STAB1: variants seen among roughly 807,000 people sequenced by gnomAD.
The protein encoded by STAB1 is stabilin 1.
A neutral mutation model predicts 332.4 loss-of-function variants in STAB1; 250 were observed. The ratio of observed to expected loss-of-function variants is 0.75; its 90% CI spans 0.68 to 0.84. The LOEUF is 0.84. Ranked by LOEUF, STAB1 falls within the 40% of genes least tolerant of loss-of-function variation. The probability of loss-of-function intolerance (pLI) is 0.00; values close to 1 mark genes in which losing one functional copy is unlikely to be tolerated. For synonymous variants in STAB1, 1,475 were observed against 1,390.4 expected, an observed-to-expected ratio of 1.06 and a Z score of -1.35; for missense variants, 3,249 against 3,489.7, an observed-to-expected ratio of 0.93 and a Z score of 1.74.
rs751836929 is a variant in STAB1 at position 52,523,765 on chromosome 3, A to G, written c.7395+9A>G. The G allele has an allele frequency of 2.5e-6, 4 of 1,594,854 alleles. No homozygotes were observed. In the African/African-American group the frequency reaches 5.4e-5, roughly 21 times the overall value. ...TGGCACCCCCACAGCCCGTGAGTTG[A>G]GGAAGGGGGAGGCAGAGCCCTTCCT... is the stretch of plus-strand genomic sequence containing the variant. On this transcript the variant is annotated intron_variant, in intron 66 of 68. Transcript: ENST00000321725.
At position 52,504,239 on chromosome 3, in the gene STAB1, TC is replaced by T. The variant is rs1708675626; in HGVS notation, c.1150+86del. ...GGAGGGAGGAGCTGCCTCTGCAGATTCCAGTTTCTCTGCCCAGGGCTGTGGG... is the reference window on the plus strand; with the variant it reads ...GGAGGGAGGAGCTGCCTCTGCAGATTCAGTTTCTCTGCCCAGGGCTGTGGG... On this transcript the variant is annotated intron_variant, in intron 10 of 68. Coordinates refer to ENST00000321725, the MANE Select transcript of STAB1 (RefSeq NM_015136.3). 3 of 1,521,518 alleles carry T rather than the reference TC, an allele frequency of 2.0e-6. No individual in the cohort carries two copies. The Admixed American group carries it at 5.9e-5, about 30-fold the overall frequency. The allele number at this position is 1,521,518 out of a possible 1,614,324, so 94.3% of individuals were successfully genotyped here.
At chr3:52,507,727 T>A (rs1157683031) in intron 19 of STAB1, 52 bp downstream of exon 19, 1 of 1,609,070 alleles carries the variant, frequency 6.2e-7, no homozygotes, top group East Asian at 2.2e-5. Flanking sequence ...CTGTTGAGGT[T>A]TCTGCCCTGG....
In STAB1 at chr3:52,514,381, G is replaced by A. The variant is rs1015523378; in HGVS notation, c.3563G>A (p.Arg1188Gln). The A allele has an allele frequency of 1.2e-5, 18 of 1,547,122 alleles. No individual in the cohort carries two copies. Among genetic ancestry groups the A allele is most frequent in the East Asian group, 4.5e-5 (2 of 44,314 alleles). ...CTCTTCCAGGACGCAGACACAGTGC[G>A]GCACCATGTGGTCCTGGGGGAGGCC... ...NSSHLDADTVRHHVVLGEALS... is the reference protein window; with the variant it reads ...NSSHLDADTVQHHVVLGEALS... The change falls in exon 34 of 69, where the codon CGG becomes CAG. Residue 1188 changes from arginine to glutamine, a missense_variant. Arg to Gln is a conservative substitution (Grantham distance 43, BLOSUM62 1). Coordinates refer to ENST00000321725, the MANE Select transcript of STAB1 (RefSeq NM_015136.3).
chr3:52,498,762 C>T (rs1708225235), intron 1 of STAB1, among the ~76,000 whole-genome samples: 1 of 152,184 alleles, frequency 6.6e-6, no homozygotes, highest in East Asian at 1.9e-4. Flanking sequence ...TGAGGGGAGC[C>T]CACCTCCTGC....
At chr3:52,515,590 G>T in intron 37 of STAB1, 84 bp downstream of exon 37, 2 of 1,428,098 alleles carry the variant, frequency 1.4e-6, no homozygotes, top group Non-Finnish European at 1.9e-6. Flanking sequence ...GCCCAGTTTG[G>T]ATCTTAAGGA....
intron 50 of STAB1, 175 bp downstream of exon 50, chr3:52,519,739 G>C (rs2153234046): frequency 8.6e-7 from 1 of 1,160,832 alleles, no homozygotes; most frequent in Non-Finnish European, 1.2e-6. Context: ...CCCAGGTTGA[G>C]CACATGGGTG....
chr3:52,500,070 C>A (rs1033103147), intron 1 of STAB1, among the ~76,000 whole-genome samples: 1 of 152,122 alleles, frequency 6.6e-6, no homozygotes, highest in African/African-American at 2.4e-5. Context: ...GAGACCCTTT[C>A]TCAAAGACAA....
chr3:52,503,483 C>T lies in STAB1; in HGVS notation c.834C>T (p.Asp278=). ...MVCLPKDPCT[D]NLGGCPSNST... is the part of the protein sequence containing the mutation. Reference sequence around the variant, plus strand: ...GTCTGCCCAAGGACCCATGCACTGACAACCTTGGTGGCTGCCCCAGCAACT... The same window carrying T: ...GTCTGCCCAAGGACCCATGCACTGATAACCTTGGTGGCTGCCCCAGCAACT... Residue 278 remains aspartate, a synonymous_variant, in exon 8 of 69, where the codon GAC becomes GAT. Coordinates refer to ENST00000321725, the MANE Select transcript of STAB1 (RefSeq NM_015136.3). The T allele has an allele frequency of 6.2e-7, 1 of 1,613,774 alleles. No homozygotes were observed. Among genetic ancestry groups the T allele is most frequent in the Non-Finnish European group, 8.5e-7 (1 of 1,180,030 alleles).
Position 52,524,303 on chromosome 3 carries a change from T to C in STAB1, c.7660T>C (p.Ser2554Pro). 1 of 1,613,932 alleles carries C rather than the reference T, an allele frequency of 6.2e-7. No individual in the cohort carries two copies. Among genetic ancestry groups the C allele is most frequent in the Non-Finnish European group, 8.5e-7 (1 of 1,180,006 alleles). The change falls in exon 69 of 69, where the codon TCA becomes CCA. Residue 2554 changes from serine (S) to proline (P), a missense_variant. Ser to Pro is a moderately conservative substitution (Grantham distance 74, BLOSUM62 -1). Transcript: ENST00000321725. The part of the protein sequence containing the change: ...SDTFCEPFDD[S>P]LLEEDFPDTQ... ...ACCACCAACCCTGCTCTTCTAGGAC[T>C]CACTGCTGGAGGAGGACTTCCCTGA... is the stretch of plus-strand genomic sequence containing the variant.
chr3:52,500,815 A>T (rs1248225050), intron 1 of STAB1, among the ~76,000 whole-genome samples: 1 of 152,156 alleles, frequency 6.6e-6, no homozygotes, highest in Non-Finnish European at 1.5e-5. Context: ...CAGTTTTCTC[A>T]CCTGAAATGG....
intron 48 of STAB1, 93 bp downstream of exon 48, chr3:52,518,962 A>T (rs1246437702): frequency 1.5e-6 from 2 of 1,305,676 alleles, no homozygotes; most frequent in Non-Finnish European, 2.0e-6. Flanking sequence ...GCAGTCAAGA[A>T]CCCCACCTCC....
intron 42 of STAB1, 42 bp from the exon 43 acceptor site, chr3:52,517,278 G>A: frequency 1.3e-6 from 2 of 1,521,874 alleles, no homozygotes; most frequent in South Asian, 1.3e-5. Flanking sequence ...GGAAGGGGGG[G>A]GCCACTAAGG....
chr3:52,507,731 G>T (rs1200351902), intron 19 of STAB1, 56 bp downstream of exon 19: 1 of 1,607,340 alleles, frequency 6.2e-7, no homozygotes, highest in East Asian at 2.2e-5. Context: ...TGAGGTTTCT[G>T]CCCTGGGTCA....
chr3:52,514,293 C>T, intron 33 of STAB1, 72 bp from the exon 34 acceptor site: 1 of 1,592,434 alleles, frequency 6.3e-7, no homozygotes. Flanking sequence ...CGAAGGGACA[C>T]AGTGGGTGTG....
chr3:52,511,745 G>A lies in STAB1; in HGVS notation c.2883G>A (p.Leu961=), dbSNP rs1709314426. The A allele has an allele frequency of 1.9e-6, 3 of 1,579,798 alleles. No individual in the cohort carries two copies. Among genetic ancestry groups the A allele is most frequent in the South Asian group, 2.3e-5 (2 of 87,138 alleles). The part of the protein sequence containing the change: ...CRAGNGGCHG[L]ATCRAVGGGQ... ...CAGGCAATGGCGGCTGCCACGGCCT[G>A]GTAAGGGGGTGCAAGGCTCAGAGCC... Residue 961 remains leucine, a splice_region_variant and synonymous_variant, in exon 26 of 69, where the codon CTG becomes CTA. Coordinates refer to ENST00000321725, the MANE Select transcript of STAB1 (RefSeq NM_015136.3).
rs774896234 is a variant in STAB1 at position 52,505,126 on chromosome 3, A to T, written c.1501A>T (p.Thr501Ser). The T allele has an allele frequency of 5.6e-6, 9 of 1,612,936 alleles. No homozygotes were observed. In the South Asian group the frequency reaches 7.7e-5, roughly 14 times the overall value. The change falls in exon 13 of 69, where the codon ACC (threonine) becomes TCC (serine). Residue 501 changes from threonine to serine, a missense_variant. By Grantham distance (58) the Thr-to-Ser change is moderately conservative. Transcript: ENST00000321725. The part of the protein sequence containing the change: ...TGLRWQAPSG[T>S]PGDPKRTIGQ... The stretch of plus-strand genomic sequence containing the variant: ...CCTGCGGTGGCAGGCCCCCTCTGGG[A>T]CCCCTGGGGATCCCAAGGTGAGCCA...
chr3:52,496,376 A>G (rs1005568396), intron 1 of STAB1, among the ~76,000 whole-genome samples: 6 of 152,274 alleles, frequency 3.9e-5, no homozygotes, highest in African/African-American at 1.2e-4. Flanking sequence ...AGCAACCACT[A>G]TCCCCATGGC....
chr3:52,502,480 C>T lies in STAB1; in HGVS notation c.488-152C>T, dbSNP rs1016081066. The T allele has an allele frequency of 5.0e-6, 4 of 807,930 alleles. No individual in the cohort carries two copies. In the African/African-American group the frequency reaches 5.1e-5, roughly 10 times the overall value. 50.0% of individuals were successfully genotyped at this position (807,930 alleles called of 1,614,324 possible). ...CGGGCCAGTGCCTTCTGTGGTCTCC[C>T]ACCACCCCTGTGGTCCCGCATCACA... On this transcript the variant is annotated intron_variant, in intron 5 of 68. Coordinates refer to ENST00000321725, the MANE Select transcript of STAB1 (RefSeq NM_015136.3).
At chr3:52,516,890 C>T (rs564926474) in intron 41 of STAB1, 94 bp from the exon 42 acceptor site, 3 of 1,599,252 alleles carry the variant, frequency 1.9e-6, no homozygotes, top group Non-Finnish European at 2.6e-6. Context: ...CTCACCCTTC[C>T]CTCTGACCTT....
Sources: gnomAD v4.1 joint callset for allele counts (sites outside exome capture counted in the v4.1 genomes callset) on GRCh38, gnomAD v4.1.1 for gene constraint, MANE v1.5 for transcripts, NCBI Gene and HGNC (gene_info 2026-07-23, HGNC 2026-07-21) for gene names.